Variants in PRELID2 observed in about 807,000 individuals in gnomAD.
PRELID2 encodes the protein PRELI domain-containing protein 2.
A neutral mutation model predicts 28.4 loss-of-function variants in PRELID2; 25 were observed. The ratio of observed to expected loss-of-function variants is 0.88; its 90% CI spans 0.64 to 1.23. PRELID2 has a LOEUF of 1.23. Among genes scored for constraint, PRELID2 ranks in the 50% most tolerant of loss-of-function variants. The pLI is 0.00. For missense variants in PRELID2, 201 were observed against 214.4 expected, an observed-to-expected ratio of 0.94 and a Z score of 0.39; for synonymous variants, 76 against 71.6, an observed-to-expected ratio of 1.06 and a Z score of -0.31.
chr5:145,356,893 A>T, the PRELID2 span, among the ~76,000 whole-genome samples: 1 of 152,004 alleles, frequency 6.6e-6, no homozygotes, highest in Non-Finnish European at 1.5e-5. Context: ...TTCTTTCCAT[A>T]TTTATCCCTC....
At chr5:145,724,641 A>G (rs1020494508) in intron 1 of PRELID2, among the ~76,000 whole-genome samples, 1 of 123,570 alleles carries the variant, frequency 8.1e-6, no homozygotes, top group Non-Finnish European at 1.7e-5. Flanking sequence ...ATATATATAT[A>G]TATATAATGC....
intron 1 of PRELID2, among the ~76,000 whole-genome samples, chr5:145,604,618 A>C (rs1753469030): frequency 6.6e-6 from 1 of 151,850 alleles, no homozygotes; most frequent in Admixed American, 6.6e-5. Context: ...TGCTGGGTCA[A>C]GTGGTAGTTC....
Position 145,567,055 on chromosome 5 carries a change from T to C in PRELID2, n.71-93740A>G, listed in dbSNP as rs2149614876. 2.6e-5 allele frequency among the ~76,000 whole-genome samples: 4 copies of C among 152,258 alleles called. No individual in the cohort carries two copies. In the South Asian group the frequency reaches 8.3e-4, roughly 32 times the overall value. The stretch of plus-strand genomic sequence containing the variant: ...TTCTATGGCCAGAGTATATATATCA[T>C]TTTCATATATGATGTTGGAGTTTTA... On this transcript the variant is annotated intron_variant and non_coding_transcript_variant, in intron 1 of 2. Coordinates refer to the PRELID2 transcript ENST00000510259.
chr5:145,556,320 C>G (rs1752879875), intron 1 of PRELID2, among the ~76,000 whole-genome samples: 2 of 152,192 alleles, frequency 1.3e-5, no homozygotes, highest in South Asian at 4.1e-4. Context: ...CAATTCCATT[C>G]TTCTTCCCTA....
At chr5:145,252,204 A>G in the PRELID2 span, among the ~76,000 whole-genome samples, 2 of 152,110 alleles carry the variant, frequency 1.3e-5, no homozygotes, top group East Asian at 3.9e-4. Context: ...ATGGATGGGA[A>G]TCTCTGTTTT....
At chr5:145,297,486 C>T in the PRELID2 span, among the ~76,000 whole-genome samples, 3 of 151,878 alleles carry the variant, frequency 2.0e-5, no homozygotes. Context: ...TAAGAGCTAT[C>T]TATGACAAAC....
At chr5:145,429,940 C>T in the PRELID2 span, 1 of 152,424 alleles carries the variant, frequency 6.6e-6, no homozygotes, top group African/African-American at 2.4e-5. Context: ...GTGAGGCCAA[C>T]CTAAACCAGC....
chr5:145,744,781 CA>C (rs1166724452), intron 1 of PRELID2, among the ~76,000 whole-genome samples: 2 of 152,118 alleles, frequency 1.3e-5, no homozygotes, highest in East Asian at 3.9e-4. Context: ...ACCAAAAATC[CA>C]AAAGGCCAGA....
At chr5:145,302,859 T>C in the PRELID2 span, among the ~76,000 whole-genome samples, 4 of 152,166 alleles carry the variant, frequency 2.6e-5, no homozygotes, top group African/African-American at 7.2e-5. Context: ...GCTAATCAAG[T>C]AGTTATTTCT....
At chr5:145,775,289 G>A (rs1340748875) in intron 5 of PRELID2, among the ~76,000 whole-genome samples, 1 of 151,576 alleles carries the variant, frequency 6.6e-6, no homozygotes, top group Non-Finnish European at 1.5e-5. Context: ...CCTGATTTTT[G>A]TGACTCTGAG....
chr5:145,412,129 C>A, the PRELID2 span, among the ~76,000 whole-genome samples: 2 of 152,128 alleles, frequency 1.3e-5, no homozygotes, highest in African/African-American at 4.8e-5. Flanking sequence ...GAGACATTTT[C>A]CCCATTGTCT....
chr5:145,665,986 TAA>T (rs79255272), intron 1 of PRELID2, among the ~76,000 whole-genome samples: 229 of 138,182 alleles, frequency 1.7e-3, no homozygotes, highest in African/African-American at 5.1e-3. Flanking sequence ...GTCTTTTTTT[TAA>T]AAAAAAAAAA....
chr5:145,628,582 T>C (rs752389891), intron 1 of PRELID2, among the ~76,000 whole-genome samples: 4 of 152,102 alleles, frequency 2.6e-5, no homozygotes, highest in Non-Finnish European at 5.9e-5. Context: ...TCTCAGCCTC[T>C]CAAAGTGCTG....
intron 1 of PRELID2, among the ~76,000 whole-genome samples, chr5:145,660,543 C>T (rs899918478): frequency 6.6e-6 from 1 of 152,170 alleles, no homozygotes; most frequent in Non-Finnish European, 1.5e-5. Flanking sequence ...CTCAATGGCT[C>T]CAGCAGTAAC....
At chr5:145,776,544 G>A (rs1758422183) in intron 5 of PRELID2, among the ~76,000 whole-genome samples, 1 of 152,200 alleles carries the variant, frequency 6.6e-6, no homozygotes, top group Non-Finnish European at 1.5e-5. Flanking sequence ...AAACTGTGAA[G>A]AAGGAAAAAG....
At chr5:145,389,251 G>T in the PRELID2 span, among the ~76,000 whole-genome samples, 10 of 152,196 alleles carry the variant, frequency 6.6e-5, no homozygotes, top group East Asian at 1.6e-3. Flanking sequence ...GATTGATTCA[G>T]ATTATGGCTG....
chr5:145,320,930 G>A, the PRELID2 span, among the ~76,000 whole-genome samples: 1 of 152,200 alleles, frequency 6.6e-6, no homozygotes, highest in African/African-American at 2.4e-5. Flanking sequence ...TATATGCTCA[G>A]CGTAGTACTA....
the PRELID2 span, among the ~76,000 whole-genome samples, chr5:145,316,240 A>T: frequency 6.6e-6 from 1 of 152,214 alleles, no homozygotes; most frequent in Non-Finnish European, 1.5e-5. Context: ...TGTAGAGTAA[A>T]CTTTAAAATG....
the PRELID2 span, among the ~76,000 whole-genome samples, chr5:145,269,676 C>T: frequency 2.0e-5 from 3 of 150,738 alleles, no homozygotes; most frequent in Admixed American, 1.3e-4. Flanking sequence ...CAAAAGACAC[C>T]ATTAAGAAGA....
Sources: gnomAD v4.1 joint callset for allele counts (sites outside exome capture counted in the v4.1 genomes callset) on GRCh38, gnomAD v4.1.1 for gene constraint, MANE v1.5 for transcripts, NCBI Gene and HGNC (gene_info 2026-07-23, HGNC 2026-07-21) for gene names.